The following CCDC171 variants were observed in gnomAD, a reference collection of about 807,000 sequenced individuals.
The protein encoded by CCDC171 is coiled-coil domain containing 171.
In CCDC171, 177 loss-of-function variants were observed where a neutral mutation model predicts 168.2. The observed-to-expected ratio is 1.05, with a 90% CI of 0.93 to 1.19. CCDC171 has a LOEUF of 1.19. Among genes scored for constraint, CCDC171 ranks in the 50% most tolerant of loss-of-function variants. CCDC171 has a pLI of 0.00. For synonymous variants in CCDC171, 687 were observed against 540.8 expected (o/e 1.27, Z -3.75); for missense variants, 1,991 against 1,539.0 (o/e 1.29, Z -4.91).
At chr9:15,975,807 A>G (rs1002143587), downstream of CCDC171, among the ~76,000 whole-genome samples, 1 of 152,196 alleles carries the variant, frequency 6.6e-6, no homozygotes, top group Non-Finnish European at 1.5e-5. Context: ...GATGTTCATA[A>G]TACTAATCAC....
the CCDC171 span, among the ~76,000 whole-genome samples, chr9:16,070,706 A>G: frequency 3.9e-5 from 6 of 152,218 alleles, no homozygotes; most frequent in East Asian, 7.7e-4. Flanking sequence ...TGGGGCCTCT[A>G]TGGCCTCTAT....
At chr9:15,595,079 A>G (rs568652041) in intron 6 of CCDC171, among the ~76,000 whole-genome samples, 1 of 152,308 alleles carries the variant, frequency 6.6e-6, no homozygotes, top group South Asian at 2.1e-4. Context: ...TTTTGGAGTA[A>G]TTATGTCTCA....
chr9:15,644,973 C>T (rs552770169), intron 7 of CCDC171, among the ~76,000 whole-genome samples: 9 of 152,254 alleles, frequency 5.9e-5, no homozygotes, highest in Non-Finnish European at 1.2e-4. Context: ...CCTGAGTAGC[C>T]TACCTGGGAG....
At chr9:15,767,900 A>C (rs12346205) in intron 18 of CCDC171, among the ~76,000 whole-genome samples, 1 of 120,460 alleles carries the variant, frequency 8.3e-6, no homozygotes, top group Non-Finnish European at 1.6e-5. Context: ...CATTAAAAAA[A>C]TTTTTTTAAT....
At chr9:15,721,332 C>A (rs933777836) in intron 11 of CCDC171, among the ~76,000 whole-genome samples, 4 of 151,724 alleles carry the variant, frequency 2.6e-5, no homozygotes, top group Non-Finnish European at 5.9e-5. Flanking sequence ...TAGTCAGAAA[C>A]ACAAGGACCA....
chr9:15,951,084 T>C (rs1352645614), intron 25 of CCDC171, among the ~76,000 whole-genome samples: 1 of 148,872 alleles, frequency 6.7e-6, no homozygotes, highest in African/African-American at 2.4e-5. Context: ...GTATCCTAAA[T>C]ATATATGCAC....
At chr9:15,937,035 T>C (rs964410192) in intron 25 of CCDC171, among the ~76,000 whole-genome samples, 1 of 152,086 alleles carries the variant, frequency 6.6e-6, no homozygotes, top group African/African-American at 2.4e-5. Flanking sequence ...AAGGAAGTGC[T>C]GTTTGTAAAA....
chr9:15,755,554 A>T (rs573354525), intron 18 of CCDC171, among the ~76,000 whole-genome samples: 1 of 152,314 alleles, frequency 6.6e-6, no homozygotes, highest in East Asian at 1.9e-4. Context: ...GTGAAAAGAA[A>T]ACCCAGATGT....
intron 25 of CCDC171, among the ~76,000 whole-genome samples, chr9:15,971,007 A>G (rs1831311029): frequency 6.6e-6 from 1 of 152,174 alleles, no homozygotes; most frequent in Admixed American, 6.6e-5. Context: ...ACCTAAAATA[A>G]TAAAGTTGAA....
intron 4 of CCDC171, 125 bp downstream of exon 4, chr9:15,579,148 A>G (rs1252155045): frequency 4.3e-6 from 3 of 694,692 alleles, no homozygotes; most frequent in Non-Finnish European, 6.9e-6. Context: ...CTGACTTTTG[A>G]TGTACAGACT....
chr9:15,659,611 A>T (rs1387134099), intron 8 of CCDC171, among the ~76,000 whole-genome samples: 2 of 152,214 alleles, frequency 1.3e-5, no homozygotes, highest in Non-Finnish European at 2.9e-5. Flanking sequence ...GAACAAATGT[A>T]ATAGACTGTA....
At chr9:15,711,370 GT>G (rs1236162172) in intron 11 of CCDC171, among the ~76,000 whole-genome samples, 5 of 151,986 alleles carry the variant, frequency 3.3e-5, no homozygotes, top group Non-Finnish European at 5.9e-5. Context: ...ACCTATATCA[GT>G]TTGAATTTTC....
At chr9:15,796,471 A>C (rs1445166419) in intron 21 of CCDC171, among the ~76,000 whole-genome samples, 3 of 152,252 alleles carry the variant, frequency 2.0e-5, no homozygotes, top group Non-Finnish European at 4.4e-5. Flanking sequence ...GATTACTTAC[A>C]GAAGAATAAC....
intron 16 of CCDC171, among the ~76,000 whole-genome samples, chr9:15,742,574 A>C (rs112121540): frequency 2.9e-3 from 438 of 152,308 alleles, no homozygotes; most frequent in Non-Finnish European, 5.1e-3. Context: ...TGCTTCTCAG[A>C]GTTCCTTGCT....
downstream of CCDC171, among the ~76,000 whole-genome samples, chr9:16,063,843 C>T (rs12339502): frequency 6.6e-6 from 1 of 152,078 alleles, no homozygotes; most frequent in African/African-American, 2.4e-5. Flanking sequence ...GTGACTCACC[C>T]GAGGTCACAC....
chr9:15,784,740 G>T, intron 21 of CCDC171, 46 bp downstream of exon 21: 1 of 1,408,272 alleles, frequency 7.1e-7, no homozygotes, highest in Non-Finnish European at 9.9e-7. Context: ...TTTTATCTAT[G>T]TGTGGATCTT....
intron 21 of CCDC171, among the ~76,000 whole-genome samples, chr9:15,796,594 T>C (rs2058567843): frequency 1.3e-5 from 2 of 152,222 alleles, no homozygotes; most frequent in South Asian, 4.1e-4. Context: ...GACAAATGTA[T>C]ACATTGTTTA....
At chr9:15,649,411 A>G (rs1587727934) in intron 7 of CCDC171, among the ~76,000 whole-genome samples, 1 of 152,184 alleles carries the variant, frequency 6.6e-6, no homozygotes. Flanking sequence ...ATCTAATTAA[A>G]CTAAAGAGCT....
At chr9:15,914,217 G>A (rs1049943409) in intron 24 of CCDC171, among the ~76,000 whole-genome samples, 2 of 152,164 alleles carry the variant, frequency 1.3e-5, no homozygotes, top group African/African-American at 2.4e-5. Flanking sequence ...AGGCAGGAAC[G>A]TTTAAGTCTG....
Sources: allele counts gnomAD v4.1 joint callset (sites outside exome capture counted in the v4.1 genomes callset), GRCh38; gene constraint gnomAD v4.1.1; transcripts MANE v1.5; gene names NCBI Gene and HGNC (gene_info 2026-07-23, HGNC 2026-07-21).